ASIC2: variants seen among roughly 807,000 people sequenced by gnomAD.
ASIC2 encodes acid sensing ion channel subunit 2, also known as acid-sensing ion channel 2.
ASIC2 carries 25 observed loss-of-function variants against 57.3 expected under a neutral mutation model. The observed-to-expected ratio is 0.44, with a 90% CI of 0.32 to 0.61. ASIC2 has a LOEUF of 0.61. Ranked by LOEUF, ASIC2 falls within the 20% of genes least tolerant of loss-of-function variation. ASIC2 has a pLI of 0.06. For synonymous variants in ASIC2, 319 were observed against 307.5 expected, an observed-to-expected ratio of 1.04 and a Z score of -0.39; for missense variants, 641 against 738.1, an observed-to-expected ratio of 0.87 and a Z score of 1.52.
At chr17:33,736,492 A>G (rs546085477) in intron 1 of ASIC2, among the ~76,000 whole-genome samples, 2 of 152,296 alleles carry the variant, frequency 1.3e-5, no homozygotes, top group South Asian at 4.2e-4. Flanking sequence ...CCGCCAGCCT[A>G]TGGAGACCGT....
intron 1 of ASIC2, among the ~76,000 whole-genome samples, chr17:33,113,435 G>T (rs1490353831): frequency 2.0e-5 from 3 of 152,142 alleles, no homozygotes; most frequent in Non-Finnish European, 4.4e-5. Flanking sequence ...GGCAAAATTG[G>T]CTGGAAGAGA....
At chr17:34,131,636 T>G (rs1394086334) in intron 1 of ASIC2, among the ~76,000 whole-genome samples, 1 of 152,236 alleles carries the variant, frequency 6.6e-6, no homozygotes, top group East Asian at 1.9e-4. Context: ...GACATCTTCC[T>G]GAGCCTAAAC....
intron 2 of ASIC2, among the ~76,000 whole-genome samples, chr17:33,107,874 A>G (rs1361010426): frequency 6.6e-6 from 1 of 152,200 alleles, no homozygotes; most frequent in Admixed American, 6.5e-5. Flanking sequence ...CCACAAGGCA[A>G]GGCAAAAGTG....
intron 1 of ASIC2, among the ~76,000 whole-genome samples, chr17:33,526,259 T>C (rs1423684596): frequency 2.0e-5 from 3 of 152,082 alleles, no homozygotes; most frequent in African/African-American, 7.2e-5. Flanking sequence ...CTCAGACGCT[T>C]TTCTTTCTTC....
chr17:33,286,447 C>G (rs528266560), intron 1 of ASIC2, among the ~76,000 whole-genome samples: 1 of 152,170 alleles, frequency 6.6e-6, no homozygotes, highest in South Asian at 2.1e-4. Flanking sequence ...AGTTCAAAAA[C>G]TTTAGTTTGG....
At chr17:33,852,869 C>A (rs1265777711) in intron 1 of ASIC2, among the ~76,000 whole-genome samples, 1 of 152,172 alleles carries the variant, frequency 6.6e-6, no homozygotes, top group Non-Finnish European at 1.5e-5. Flanking sequence ...GCCACCACCT[C>A]CATGATGCCA....
chr17:33,983,494 A>G (rs932734351), intron 1 of ASIC2, among the ~76,000 whole-genome samples: 1 of 152,158 alleles, frequency 6.6e-6, no homozygotes, highest in Non-Finnish European at 1.5e-5. Context: ...GGTACCAGAT[A>G]TGGAGCCAGA....
chr17:34,094,104 A>T (rs943430283), intron 1 of ASIC2, among the ~76,000 whole-genome samples: 1 of 151,960 alleles, frequency 6.6e-6, no homozygotes, highest in Non-Finnish European at 1.5e-5. Context: ...AGTAATAAAG[A>T]AACATTCTGG....
intron 1 of ASIC2, among the ~76,000 whole-genome samples, chr17:33,686,779 T>C (rs1202433687): frequency 6.6e-6 from 1 of 152,200 alleles, no homozygotes; most frequent in African/African-American, 2.4e-5. Context: ...TCCTGACTTC[T>C]GGGAAGCAGG....
intron 1 of ASIC2, among the ~76,000 whole-genome samples, chr17:33,567,161 G>A (rs1238610195): frequency 6.6e-6 from 1 of 151,892 alleles, no homozygotes; most frequent in Admixed American, 6.6e-5. Context: ...TGGCTGTGGT[G>A]GCTGCTTTAG....
chr17:33,208,117 G>A (rs976788457), intron 1 of ASIC2, among the ~76,000 whole-genome samples: 2 of 152,182 alleles, frequency 1.3e-5, no homozygotes, highest in Non-Finnish European at 2.9e-5. Context: ...CTGACCCCCT[G>A]ACTGGGGGAG....
chr17:33,913,189 G>C (rs1269672183), intron 1 of ASIC2, among the ~76,000 whole-genome samples: 1 of 151,910 alleles, frequency 6.6e-6, no homozygotes, highest in Non-Finnish European at 1.5e-5. Flanking sequence ...GGGTTTAGAG[G>C]AATGAAATGA....
At chr17:33,587,455 A>C (rs145799553) in intron 1 of ASIC2, among the ~76,000 whole-genome samples, 4 of 152,344 alleles carry the variant, frequency 2.6e-5, no homozygotes, top group Admixed American at 2.6e-4. Flanking sequence ...ACAGCTGTAC[A>C]CATGATGTCT....
At chr17:34,127,649 G>A (rs1197548482) in intron 1 of ASIC2, among the ~76,000 whole-genome samples, 1 of 152,172 alleles carries the variant, frequency 6.6e-6, no homozygotes, top group Non-Finnish European at 1.5e-5. Context: ...CCCTCAGTGG[G>A]GCAGCTGGGG....
rs192826240 is a variant in ASIC2 at position 34,146,460 on chromosome 17, C to T, written c.555+9518G>A. Among the ~76,000 whole-genome samples, 76 of 151,932 alleles carry T rather than the reference C, an allele frequency of 5.0e-4. 1 individual carries two copies. The highest frequency in any genetic ancestry group is 4.7e-3 in the Admixed American group (71 of 15,264). On this transcript the variant is annotated intron_variant, in intron 1 of 9. Transcript: ENST00000359872. ...AGTGTTCTCATAAAAAGCCTAGAAG[C>T]GGGAAGGGGAAGGTAGGGCGGGGGA...
intron 1 of ASIC2, among the ~76,000 whole-genome samples, chr17:33,192,272 A>C (rs1354342417): frequency 2.0e-5 from 3 of 152,104 alleles, no homozygotes; most frequent in Non-Finnish European, 2.9e-5. Context: ...AATCCCATCT[A>C]CTTGGGAGGC....
rs1320442194 is a variant in ASIC2 at position 33,828,526 on chromosome 17, A to G, written c.555+327452T>C. On this transcript the variant is annotated intron_variant, in intron 1 of 9. Transcript: ENST00000359872. ...GTAAGATTATGGCATGAAACCTCCA[A>G]GAAGAATATATGAAGAGCTGGTGAA... is the stretch of plus-strand genomic sequence containing the variant. 2.0e-5 allele frequency: 3 copies of G among 152,204 alleles called. No individual in the cohort carries two copies. In the East Asian group the frequency reaches 5.8e-4, roughly 29 times the overall value. The allele number at this position is 152,204 out of a possible 1,614,324, so 9.4% of individuals were successfully genotyped here.
At chr17:34,140,989 T>C (rs914510497) in intron 1 of ASIC2, among the ~76,000 whole-genome samples, 4 of 152,276 alleles carry the variant, frequency 2.6e-5, no homozygotes, top group Admixed American at 2.0e-4. Context: ...GATAAAACAC[T>C]ATCAGTATTA....
intron 1 of ASIC2, among the ~76,000 whole-genome samples, chr17:34,142,782 C>A (rs1009267638): frequency 5.9e-5 from 9 of 152,180 alleles, no homozygotes; most frequent in Non-Finnish European, 8.8e-5. Context: ...GTTATCATTT[C>A]TTCCACCTAG....
Sources: allele counts gnomAD v4.1 joint callset (sites outside exome capture counted in the v4.1 genomes callset), GRCh38; gene constraint gnomAD v4.1.1; transcripts MANE v1.5; gene names NCBI Gene and HGNC (gene_info 2026-07-23, HGNC 2026-07-21).